GPC5: variants seen among roughly 807,000 people sequenced by gnomAD.
GPC5 encodes glypican 5, also known as glypican-5.
A neutral mutation model predicts 53.9 loss-of-function variants in GPC5; 47 were observed. The observed-to-expected ratio is 0.87, with a 90% CI of 0.69 to 1.11. The LOEUF is 1.11. GPC5 is among the 50% of genes most tolerant of loss of function. The pLI is 0.00. For missense variants in GPC5, 748 were observed against 713.1 expected (o/e 1.05, Z -0.56); for synonymous variants, 286 against 263.3 (o/e 1.09, Z -0.84).
At chr13:92,847,067 C>T (rs1027431479) in intron 7 of GPC5, among the ~76,000 whole-genome samples, 1 of 152,094 alleles carries the variant, frequency 6.6e-6, no homozygotes, top group African/African-American at 2.4e-5. Flanking sequence ...TCCTCCAACC[C>T]CTACCTACAT....
chr13:92,800,179 T>G (rs1876846618), intron 7 of GPC5, among the ~76,000 whole-genome samples: 1 of 151,864 alleles, frequency 6.6e-6, no homozygotes, highest in Non-Finnish European at 1.5e-5. Context: ...TATGGCCATG[T>G]AAAATAACTA....
At chr13:91,448,359 C>T (rs1281836418) in intron 1 of GPC5, among the ~76,000 whole-genome samples, 1 of 152,156 alleles carries the variant, frequency 6.6e-6, no homozygotes, top group Non-Finnish European at 1.5e-5. Flanking sequence ...AGTTTCATTT[C>T]CCCATGAAAA....
In GPC5 at chr13:91,398,708, G is replaced by T. The variant is rs1399441129; in HGVS notation, c.-339G>T. 7.8e-6 allele frequency: 2 copies of T among 255,296 alleles called. No homozygotes were observed. The highest frequency in any genetic ancestry group is 7.9e-5 in the East Asian group (1 of 12,738). The allele number at this position is 255,296 out of a possible 1,614,324, so 15.8% of individuals were successfully genotyped here. A position where few individuals can be genotyped will look rare whatever the true frequency, so the allele number is the denominator to read the frequency against. ...CGGCAGTGGCGGCAGTGGCGGCAGC[G>T]GCAGCAGTTGCAGCAGTGGTGGCCA... is the stretch of plus-strand genomic sequence containing the variant. On this transcript the variant is annotated 5_prime_UTR_variant, in exon 1 of 8. Transcript: ENST00000377067.
intron 5 of GPC5, among the ~76,000 whole-genome samples, chr13:91,826,650 G>T (rs563498473): frequency 6.6e-6 from 1 of 152,028 alleles, no homozygotes; most frequent in African/African-American, 2.4e-5. Flanking sequence ...TTAAATTAAA[G>T]TCAGAGTATT....
At chr13:92,636,318 C>T (rs1215715270) in intron 7 of GPC5, among the ~76,000 whole-genome samples, 2 of 151,278 alleles carry the variant, frequency 1.3e-5, no homozygotes, top group Non-Finnish European at 2.9e-5. Context: ...AGAGGTATCA[C>T]CGTAAAAAAT....
intron 6 of GPC5, among the ~76,000 whole-genome samples, chr13:92,031,126 C>G (rs576001105): frequency 6.6e-6 from 1 of 152,134 alleles, no homozygotes; most frequent in Non-Finnish European, 1.5e-5. Flanking sequence ...TATTTCCCTA[C>G]CCGCTTCTTA....
At chr13:92,290,642 T>G (rs935620881) in intron 7 of GPC5, among the ~76,000 whole-genome samples, 3 of 152,196 alleles carry the variant, frequency 2.0e-5, no homozygotes, top group South Asian at 4.1e-4. Context: ...CTCATCCAGG[T>G]AGCTGTGCAT....
intron 7 of GPC5, among the ~76,000 whole-genome samples, chr13:92,533,708 C>G (rs1881635122): frequency 6.6e-6 from 1 of 152,044 alleles, no homozygotes; most frequent in African/African-American, 2.4e-5. Flanking sequence ...GAAATACATT[C>G]TGGTATCAAA....
intron 7 of GPC5, among the ~76,000 whole-genome samples, chr13:92,638,689 G>A (rs1885491866): frequency 6.6e-6 from 1 of 152,098 alleles, no homozygotes; most frequent in Non-Finnish European, 1.5e-5. Flanking sequence ...TTCTATGAAA[G>A]ATAATGCAAT....
At chr13:91,654,393 GTAAA>G (rs2034796753) in intron 2 of GPC5, among the ~76,000 whole-genome samples, 1 of 152,084 alleles carries the variant, frequency 6.6e-6, no homozygotes, top group African/African-American at 2.4e-5. Context: ...GATTCGGTAA[GTAAA>G]TAGTTAGATA....
At chr13:92,431,098 T>C (rs1877064168) in intron 7 of GPC5, among the ~76,000 whole-genome samples, 1 of 152,222 alleles carries the variant, frequency 6.6e-6, no homozygotes, top group Admixed American at 6.5e-5. Flanking sequence ...TTTGAGATTC[T>C]GCATTTTAGA....
chr13:92,840,640 A>G (rs1336851778), intron 7 of GPC5, among the ~76,000 whole-genome samples: 1 of 152,140 alleles, frequency 6.6e-6, no homozygotes, highest in Non-Finnish European at 1.5e-5. Flanking sequence ...CTGTAAAAAA[A>G]TGCCATCAGG....
chr13:92,471,309 A>C (rs1878901135), intron 7 of GPC5, among the ~76,000 whole-genome samples: 1 of 152,136 alleles, frequency 6.6e-6, no homozygotes, highest in Non-Finnish European at 1.5e-5. Flanking sequence ...TAAGAGGCCC[A>C]GGAAAGCCAT....
intron 1 of GPC5, among the ~76,000 whole-genome samples, chr13:91,419,862 T>C (rs1007519892): frequency 1.3e-5 from 2 of 152,218 alleles, no homozygotes; most frequent in African/African-American, 4.8e-5. Flanking sequence ...GTTTGCTGCT[T>C]ATGGTAAATA....
chr13:91,404,001 G>GC (rs1238320828), intron 1 of GPC5, among the ~76,000 whole-genome samples: 1 of 152,068 alleles, frequency 6.6e-6, no homozygotes, highest in Non-Finnish European at 1.5e-5. Context: ...TCCTATAGTT[G>GC]TAAAATTGGC....
chr13:91,985,070 A>C, intron 6 of GPC5, among the ~76,000 whole-genome samples: 1 of 152,162 alleles, frequency 6.6e-6, no homozygotes, highest in Admixed American at 6.5e-5. Context: ...TTCAGCTATG[A>C]TTATGCATTT....
intron 7 of GPC5, among the ~76,000 whole-genome samples, chr13:92,747,012 C>T (rs1594475013): frequency 6.6e-6 from 1 of 152,110 alleles, no homozygotes; most frequent in East Asian, 1.9e-4. Context: ...ATAGCGCAGG[C>T]AATTGTAACA....
At chr13:92,246,576 C>A (rs1210947043) in intron 7 of GPC5, among the ~76,000 whole-genome samples, 1 of 152,034 alleles carries the variant, frequency 6.6e-6, no homozygotes, top group Non-Finnish European at 1.5e-5. Flanking sequence ...GGTGGAAAAA[C>A]TCATCATCAT....
intron 2 of GPC5, among the ~76,000 whole-genome samples, chr13:91,642,894 C>T (rs1447580997): frequency 6.6e-6 from 1 of 151,816 alleles, no homozygotes; most frequent in Non-Finnish European, 1.5e-5. Context: ...GAGTTTTGGA[C>T]AATAATTCTC....
Sources: gnomAD v4.1 joint callset for allele counts (sites outside exome capture counted in the v4.1 genomes callset) on GRCh38, gnomAD v4.1.1 for gene constraint, MANE v1.5 for transcripts, NCBI Gene and HGNC (gene_info 2026-07-23, HGNC 2026-07-21) for gene names.